Variants in ASTN2 observed in about 807,000 individuals in gnomAD.
The protein encoded by ASTN2 is astrotactin-2.
A neutral mutation model predicts 139.8 loss-of-function variants in ASTN2; 54 were observed. The observed-to-expected ratio is 0.39, with a 90% CI of 0.31 to 0.48. The LOEUF is 0.48. ASTN2 is among the 20% of genes least tolerant of loss of function. The pLI, the probability that ASTN2 is intolerant of heterozygous loss-of-function variation, is 0.95. For synonymous variants in ASTN2, 756 were observed against 719.5 expected, an observed-to-expected ratio of 1.05 and a Z score of -0.81; for missense variants, 1,565 against 1,725.1, an observed-to-expected ratio of 0.91 and a Z score of 1.64.
At chr9:116,924,429 C>CAAAA (rs35015769) in intron 10 of ASTN2, among the ~76,000 whole-genome samples, 20 of 54,916 alleles carry the variant, frequency 3.6e-4, no homozygotes, top group Non-Finnish European at 5.0e-4. Context: ...GACTTCATCT[C>CAAAA]AAAAAAAAAA....
chr9:116,492,245 C>A (rs763606931), intron 19 of ASTN2, among the ~76,000 whole-genome samples: 1 of 151,994 alleles, frequency 6.6e-6, no homozygotes, highest in African/African-American at 2.4e-5. Context: ...CCATGCCTGG[C>A]TAATTTTTGT....
At chr9:117,252,595 C>T (rs185793630) in intron 2 of ASTN2, among the ~76,000 whole-genome samples, 22 of 152,218 alleles carry the variant, frequency 1.4e-4, no homozygotes, top group East Asian at 9.6e-4. Context: ...AAAAACAAAT[C>T]GTTATGTTGT....
intron 19 of ASTN2, among the ~76,000 whole-genome samples, chr9:116,508,831 T>C (rs1346921589): frequency 6.6e-6 from 1 of 152,020 alleles, no homozygotes; most frequent in Non-Finnish European, 1.5e-5. Flanking sequence ...AAGAAGAAAG[T>C]GTTTCCATTG....
At chr9:117,175,610 C>T (rs371273574) in intron 3 of ASTN2, among the ~76,000 whole-genome samples, 7 of 152,164 alleles carry the variant, frequency 4.6e-5, no homozygotes, top group African/African-American at 7.2e-5. Context: ...TCCAGATACA[C>T]GAGGACTTGT....
intron 19 of ASTN2, among the ~76,000 whole-genome samples, chr9:116,494,200 A>G (rs980906298): frequency 2.0e-5 from 3 of 152,080 alleles, no homozygotes; most frequent in Non-Finnish European, 4.4e-5. Context: ...AGCAGATGAC[A>G]CCTAGTTTTG....
intron 13 of ASTN2, among the ~76,000 whole-genome samples, chr9:116,744,467 A>C (rs1490762093): frequency 6.6e-6 from 1 of 152,192 alleles, no homozygotes. Flanking sequence ...GACTGAAAAA[A>C]GGCTGGAAGG....
At position 116,915,697 on chromosome 9, in the gene ASTN2, G is replaced by A. The variant is rs1174519966; in HGVS notation, c.1890-51964C>T. 2.0e-5 allele frequency among the ~76,000 whole-genome samples: 3 copies of A among 152,192 alleles called. No homozygotes were observed. In the East Asian group the frequency reaches 5.8e-4, roughly 29 times the overall value. ...GTGGATGCATCCATGTGCCTGGAGG[G>A]TGGTGCACCCCAATTGCATGGGGAC... On this transcript the variant is annotated intron_variant, in intron 10 of 22. Transcript: ENST00000313400.
chr9:116,509,515 T>G (rs1379807610), intron 19 of ASTN2, among the ~76,000 whole-genome samples: 2 of 152,204 alleles, frequency 1.3e-5, no homozygotes, highest in African/African-American at 4.8e-5. Context: ...ATCCTTTGGG[T>G]ATATACCCAG....
chr9:116,502,762 A>AGAGG (rs1849928352), intron 19 of ASTN2, among the ~76,000 whole-genome samples: 1 of 45,926 alleles, frequency 2.2e-5, no homozygotes, highest in African/African-American at 8.5e-5. Flanking sequence ...AAGGAAGGAG[A>AGAGG]GAAGGAAGGA....
At chr9:116,449,603 C>G (rs7470745) in intron 20 of ASTN2, among the ~76,000 whole-genome samples, 12 of 152,096 alleles carry the variant, frequency 7.9e-5, no homozygotes, top group African/African-American at 2.9e-4. Context: ...CGCCCCAGTT[C>G]TTTGACATTT....
At chr9:117,212,000 A>G (rs188558270) in intron 3 of ASTN2, among the ~76,000 whole-genome samples, 1 of 152,350 alleles carries the variant, frequency 6.6e-6, no homozygotes, top group African/African-American at 2.4e-5. Context: ...CTCAAAATAT[A>G]CTACAAAGCT....
chr9:117,164,829 A>G (rs1176020236), intron 3 of ASTN2, among the ~76,000 whole-genome samples: 1 of 152,100 alleles, frequency 6.6e-6, no homozygotes, highest in African/African-American at 2.4e-5. Flanking sequence ...GTTCAGGAGG[A>G]CAAATGGTGA....
chr9:117,370,902 C>T (rs1027784365), intron 1 of ASTN2, among the ~76,000 whole-genome samples: 66 of 152,208 alleles, frequency 4.3e-4, no homozygotes, highest in East Asian at 1.2e-3. Context: ...TTATCAAATG[C>T]CCCCAACAAT....
intron 2 of ASTN2, among the ~76,000 whole-genome samples, chr9:117,231,238 T>C (rs7848516): frequency 2.4e-4 from 37 of 152,326 alleles, no homozygotes; most frequent in African/African-American, 8.7e-4. Flanking sequence ...TAGAAATTCT[T>C]AGTAATAGAG....
intron 1 of ASTN2, among the ~76,000 whole-genome samples, chr9:117,368,667 A>C (rs1166776427): frequency 6.6e-6 from 1 of 152,116 alleles, no homozygotes; most frequent in Non-Finnish European, 1.5e-5. Context: ...TATTCGTCAG[A>C]ACTCCCTTAG....
At chr9:116,523,621 T>C (rs1850972013) in intron 19 of ASTN2, among the ~76,000 whole-genome samples, 1 of 152,126 alleles carries the variant, frequency 6.6e-6, no homozygotes, top group Admixed American at 6.5e-5. Context: ...AAGTAGGCCC[T>C]AAATAATAGA....
chr9:116,808,779 C>T (rs1379531397), intron 12 of ASTN2, among the ~76,000 whole-genome samples: 1 of 152,108 alleles, frequency 6.6e-6, no homozygotes, highest in South Asian at 2.1e-4. Flanking sequence ...GTTTACAATC[C>T]TATAATTGAT....
chr9:117,318,717 C>T (rs1011084635), intron 1 of ASTN2, among the ~76,000 whole-genome samples: 1 of 152,128 alleles, frequency 6.6e-6, no homozygotes, highest in Non-Finnish European at 1.5e-5. Context: ...ATCCAATGTC[C>T]TCTGTCTGTG....
At chr9:116,736,773 A>G (rs988285910) in intron 13 of ASTN2, among the ~76,000 whole-genome samples, 1 of 152,228 alleles carries the variant, frequency 6.6e-6, no homozygotes, top group Non-Finnish European at 1.5e-5. Context: ...TTTACCACCC[A>G]AGAGTGTCCA....
Sources: gnomAD v4.1 joint callset for allele counts (sites outside exome capture counted in the v4.1 genomes callset) on GRCh38, gnomAD v4.1.1 for gene constraint, MANE v1.5 for transcripts, NCBI Gene and HGNC (gene_info 2026-07-23, HGNC 2026-07-21) for gene names.